The following DCC variants were observed in gnomAD, a reference collection of about 807,000 sequenced individuals.
The protein encoded by DCC is DCC netrin 1 receptor.
Under a neutral mutation model 172.5 loss-of-function variants are expected in DCC, and 58 were observed. The observed-to-expected ratio is 0.34, with a 90% CI of 0.27 to 0.42. DCC has a LOEUF of 0.42. Ranked by LOEUF, DCC falls within the 10% of genes least tolerant of loss-of-function variation. DCC has a pLI of 1.00. For missense variants in DCC, 1,740 were observed against 1,791.0 expected, an observed-to-expected ratio of 0.97 and a Z score of 0.51; for synonymous variants, 709 against 644.5, an observed-to-expected ratio of 1.10 and a Z score of -1.52.
chr18:52,429,908 T>C (rs528202285), intron 1 of DCC, among the ~76,000 whole-genome samples: 1 of 152,218 alleles, frequency 6.6e-6, no homozygotes, highest in Non-Finnish European at 1.5e-5. Context: ...GTATTGGGGC[T>C]ACAGAGAAAT....
At chr18:53,316,491 G>C (rs1422127030) in intron 13 of DCC, among the ~76,000 whole-genome samples, 1 of 151,242 alleles carries the variant, frequency 6.6e-6, no homozygotes, top group Non-Finnish European at 1.5e-5. Flanking sequence ...CTAATTCTGT[G>C]AAGAAAGTCG....
At chr18:53,414,401 T>C (rs1006039082) in intron 20 of DCC, among the ~76,000 whole-genome samples, 1 of 152,122 alleles carries the variant, frequency 6.6e-6, no homozygotes, top group Non-Finnish European at 1.5e-5. Context: ...CTTTGGGAGT[T>C]TGGGGCAAGT....
rs939095092 is a variant in DCC, at chr18:53,180,105, A to T, written c.1573+989A>T. The stretch of plus-strand genomic sequence containing the variant: ...AAATATTTTAACTGGTAATTGTGAG[A>T]GAGTAACCTTTGTATTCTATCACTT... On this transcript the variant is annotated intron_variant, in intron 9 of 28. Transcript: ENST00000442544. 2.0e-5 allele frequency among the ~76,000 whole-genome samples: 3 copies of T among 152,176 alleles called. 1 individual carries two copies. Among genetic ancestry groups the T allele is most frequent in the South Asian group, 4.1e-4 (2 of 4,834 alleles).
At chr18:52,685,973 C>G (rs981866467) in intron 1 of DCC, among the ~76,000 whole-genome samples, 1 of 152,114 alleles carries the variant, frequency 6.6e-6, no homozygotes, top group African/African-American at 2.4e-5. Context: ...CTGGATGTTC[C>G]TGTATCAACA....
intron 7 of DCC, among the ~76,000 whole-genome samples, chr18:53,133,869 G>A (rs902850860): frequency 6.6e-6 from 1 of 152,158 alleles, no homozygotes; most frequent in Non-Finnish European, 1.5e-5. Context: ...GCTGAGCCAG[G>A]TCATACAAAG....
At chr18:53,110,352 G>T (rs570553965) in intron 7 of DCC, among the ~76,000 whole-genome samples, 3 of 151,666 alleles carry the variant, frequency 2.0e-5, no homozygotes, top group Non-Finnish European at 4.4e-5. Flanking sequence ...TTAAACGACT[G>T]TTCCATATCA....
chr18:52,852,848 A>G (rs1037653566), intron 2 of DCC, among the ~76,000 whole-genome samples: 2 of 152,122 alleles, frequency 1.3e-5, no homozygotes, highest in Non-Finnish European at 2.9e-5. Context: ...TACTATGGAA[A>G]TTACATATTT....
rs969214632 is a variant in DCC, at chr18:53,398,222, C to T, written c.2827+776C>T. ...AAATTTTAAAAAAATGCTAATAAAG[C>T]TGTTTCCTGGGTAAGTTGAATTTAT... On this transcript the variant is annotated intron_variant, in intron 18 of 28. Coordinates refer to ENST00000442544, the MANE Select transcript of DCC (RefSeq NM_005215.4). Among the ~76,000 whole-genome samples the T allele has an allele frequency of 4.6e-5, 7 of 152,104 alleles. No homozygotes were observed. In the South Asian group the frequency reaches 1.5e-3, roughly 32 times the overall value.
intron 2 of DCC, among the ~76,000 whole-genome samples, chr18:52,900,047 A>C (rs1721809110): frequency 6.6e-6 from 1 of 152,226 alleles, no homozygotes; most frequent in Non-Finnish European, 1.5e-5. Context: ...AATAAATTCC[A>C]CAGTTAATCA....
intron 2 of DCC, among the ~76,000 whole-genome samples, chr18:52,887,238 G>A (rs114415594): frequency 0.015 from 2,300 of 151,788 alleles, 42 homozygotes; most frequent in African/African-American, 0.039. Flanking sequence ...GCAACTTTTA[G>A]GACTAATTAA....
At chr18:52,450,720 T>C (rs555484518) in intron 1 of DCC, among the ~76,000 whole-genome samples, 2 of 152,268 alleles carry the variant, frequency 1.3e-5, no homozygotes, top group South Asian at 4.1e-4. Context: ...TAGCTTATTG[T>C]TGAAATGTAG....
At chr18:52,631,841 T>G (rs768395692) in intron 1 of DCC, among the ~76,000 whole-genome samples, 4 of 152,204 alleles carry the variant, frequency 2.6e-5, no homozygotes, top group Non-Finnish European at 5.9e-5. Flanking sequence ...CGAGTTCATT[T>G]TAGAGGCTTC....
chr18:53,471,467 G>A (rs2045696060), intron 25 of DCC, among the ~76,000 whole-genome samples: 3 of 152,088 alleles, frequency 2.0e-5, no homozygotes, highest in Non-Finnish European at 4.4e-5. Context: ...CTACACAGCT[G>A]TCTCTCAATA....
At position 52,752,078 on chromosome 18, in the gene DCC, C is replaced by T. The variant is rs990772793; in HGVS notation, c.116C>T (p.Ala39Val). The T allele has an allele frequency of 3.1e-6, 5 of 1,614,108 alleles. No individual in the cohort carries two copies. The South Asian group carries it at 5.5e-5, about 18-fold the overall frequency. ...GGTTTTCAAATTAAAGCTTTCACAG[C>T]ACTGCGCTTCCTCTCAGAACCTTCT... is the stretch of plus-strand genomic sequence containing the variant. ...VTGFQIKAFTALRFLSEPSDA... is the reference protein window; with the variant it reads ...VTGFQIKAFTVLRFLSEPSDA... Residue 39 changes from alanine (A) to valine (V), a missense_variant, in exon 2 of 29, where the codon GCA becomes GTA. Physicochemically the swap from Ala to Val is moderately conservative, Grantham distance 64 (BLOSUM62 0). Around this residue, in one of 2 missense-constraint regions of DCC, gnomAD observed 1,732 missense variants for 1,767.4 expected, o/e 0.98. Transcript: ENST00000442544.
At chr18:52,354,122 G>A (rs1336972809) in intron 1 of DCC, among the ~76,000 whole-genome samples, 1 of 152,274 alleles carries the variant, frequency 6.6e-6, no homozygotes, top group East Asian at 1.9e-4. Context: ...CTTAGTTACT[G>A]GAGTAGTAAT....
chr18:52,351,165 T>TTA (rs553852047), intron 1 of DCC, among the ~76,000 whole-genome samples: 11,792 of 151,614 alleles, frequency 0.078, 716 homozygotes, highest in East Asian at 0.31. Context: ...GAATATCAGG[T>TTA]AAAAAAAAGT....
intron 17 of DCC, among the ~76,000 whole-genome samples, chr18:53,393,914 C>CTCTCT (rs1599101086): frequency 9.3e-6 from 1 of 108,050 alleles, no homozygotes; most frequent in Non-Finnish European, 2.3e-5. Flanking sequence ...TCTCTCTCTC[C>CTCTCT]CTCTCTCCCT....
intron 7 of DCC, among the ~76,000 whole-genome samples, chr18:53,101,524 G>T (rs1288483550): frequency 6.6e-6 from 1 of 151,900 alleles, no homozygotes; most frequent in African/African-American, 2.4e-5. Flanking sequence ...TTATTCTCTG[G>T]GCTGCTAGTC....
At chr18:53,139,761 C>T (rs1214684682) in intron 7 of DCC, among the ~76,000 whole-genome samples, 1 of 152,094 alleles carries the variant, frequency 6.6e-6, no homozygotes, top group Non-Finnish European at 1.5e-5. Context: ...CTGGAATCTA[C>T]ACTTAACCAC....
Sources: allele counts gnomAD v4.1 joint callset (sites outside exome capture counted in the v4.1 genomes callset), GRCh38; gene constraint gnomAD v4.1.1; regional missense constraint gnomAD v4.1.1; transcripts MANE v1.5; gene names NCBI Gene and HGNC (gene_info 2026-07-23, HGNC 2026-07-21).